Variants in CALCOCO2 observed in about 807,000 individuals in gnomAD.
The protein encoded by CALCOCO2 is calcium binding and coiled-coil domain 2.
Under a neutral mutation model 62.5 loss-of-function variants are expected in CALCOCO2, and 42 were observed. The observed-to-expected ratio is 0.67, with a 90% CI of 0.53 to 0.87. CALCOCO2 has a LOEUF of 0.87. Ranked by LOEUF, CALCOCO2 falls within the 40% of genes least tolerant of loss-of-function variation. CALCOCO2 has a pLI of 0.00. For synonymous variants in CALCOCO2, 167 were observed against 173.0 expected (o/e 0.97, Z 0.27); for missense variants, 456 against 515.0 (o/e 0.89, Z 1.11).
At chr17:48,857,497 C>CTTTTTT (rs59318856) in intron 10 of CALCOCO2, among the ~76,000 whole-genome samples, 5,702 of 38,340 alleles carry the variant, frequency 0.15, 1,620 homozygotes, top group Non-Finnish European at 0.22. Flanking sequence ...GCACCCGGCC[C>CTTTTTT]TTTTTTTTTT....
chr17:48,857,063 A>G (rs2040226919), intron 10 of CALCOCO2, among the ~76,000 whole-genome samples: 1 of 151,788 alleles, frequency 6.6e-6, no homozygotes, highest in Non-Finnish European at 1.5e-5. Flanking sequence ...CGGCCTCCCA[A>G]AGTGCTGGGA....
chr17:48,845,395 G>C (rs866315034), intron 2 of CALCOCO2, among the ~76,000 whole-genome samples: 3,018 of 141,286 alleles, frequency 0.021, 74 homozygotes, highest in Admixed American at 0.034. Flanking sequence ...GTGTGTGTGT[G>C]TGTGTGTGTG....
intron 9 of CALCOCO2, among the ~76,000 whole-genome samples, chr17:48,854,833 G>A (rs117129726): frequency 0.031 from 4,772 of 152,152 alleles, 117 homozygotes; most frequent in Middle Eastern, 0.071. Flanking sequence ...TATGCTTCAG[G>A]AGCCTAGGAA....
rs2040076062 is a variant in CALCOCO2, at chr17:48,848,062, A to G, written c.181-2A>G. 6.3e-7 allele frequency: 1 copy of G among 1,576,920 alleles called. No individual in the cohort carries two copies. Among genetic ancestry groups the G allele is most frequent in the African/African-American group, 1.3e-5 (1 of 74,270 alleles). On this transcript the variant is annotated splice_acceptor_variant, in intron 2 of 12. Coordinates refer to ENST00000258947, the MANE Select transcript of CALCOCO2 (RefSeq NM_005831.5). LOFTEE classifies it high-confidence loss of function. ...CTAAATAAGAACTTCTTGTCATTGC[A>G]GGTGGGGTGGAAGACAACCCGTGAG...
At chr17:48,834,614 C>T (rs1180472694) in intron 1 of CALCOCO2, among the ~76,000 whole-genome samples, 1 of 152,186 alleles carries the variant, frequency 6.6e-6, no homozygotes, top group Non-Finnish European at 1.5e-5. Context: ...GTTCTCTGGG[C>T]TTCTAAATTT....
intron 10 of CALCOCO2, among the ~76,000 whole-genome samples, chr17:48,857,504 T>TTTTTTTTTTTTTC (rs2040236752): frequency 8.1e-6 from 1 of 122,986 alleles, no homozygotes; most frequent in African/African-American, 2.9e-5. Context: ...GCCCTTTTTT[T>TTTTTTTTTTTTTC]TTTTTTTTTT....
At chr17:48,838,677 G>A (rs1598025051) in intron 1 of CALCOCO2, among the ~76,000 whole-genome samples, 2 of 152,066 alleles carry the variant, frequency 1.3e-5, no homozygotes, top group East Asian at 3.9e-4. Flanking sequence ...TCGCGCCACT[G>A]CACTCCAGCC....
Position 48,841,701 on chromosome 17 carries a change from C to T in CALCOCO2, c.-7C>T, listed in dbSNP as rs1430755300. ...TCTGTTCCACATTTCATAACAGGAC[C>T]CCTACCATGGAGGAGACCATCAAAG... On this transcript the variant is annotated 5_prime_UTR_variant, in exon 2 of 13. Coordinates refer to ENST00000258947, the MANE Select transcript of CALCOCO2 (RefSeq NM_005831.5). 2 of 1,604,166 alleles carry T rather than the reference C, an allele frequency of 1.2e-6. No individual in the cohort carries two copies. The highest frequency in any genetic ancestry group is 1.7e-6 in the Non-Finnish European group (2 of 1,173,686).
intron 8 of CALCOCO2, 70 bp downstream of exon 8, chr17:48,852,698 A>T: frequency 6.8e-7 from 1 of 1,465,400 alleles, no homozygotes; most frequent in Non-Finnish European, 9.4e-7. Context: ...TTGTATAAAG[A>T]ACATTTTAAT....
intron 10 of CALCOCO2, among the ~76,000 whole-genome samples, chr17:48,858,668 C>G (rs555370492): frequency 5.1e-4 from 77 of 151,860 alleles, no homozygotes; most frequent in African/African-American, 1.8e-3. Flanking sequence ...AGTTTGAAAT[C>G]CCTGTTTTCC....
At chr17:48,851,399 T>C in intron 6 of CALCOCO2, 160 bp from the exon 7 acceptor site, 2 of 628,808 alleles carry the variant, frequency 3.2e-6, no homozygotes, top group South Asian at 3.9e-5. Flanking sequence ...TACTTGCAGT[T>C]TTTTGGAGTC....
At chr17:48,850,327 T>C (rs1372845895) in intron 5 of CALCOCO2, among the ~76,000 whole-genome samples, 1 of 141,184 alleles carries the variant, frequency 7.1e-6, no homozygotes, top group African/African-American at 2.7e-5. Flanking sequence ...CATGGTGGCA[T>C]GCGCCTGTAA....
intron 9 of CALCOCO2, among the ~76,000 whole-genome samples, chr17:48,854,382 T>TTTTATATATATATA (rs1567757283): frequency 6.7e-4 from 4 of 5,998 alleles, no homozygotes; most frequent in Non-Finnish European, 1.2e-3. Flanking sequence ...TTTCTTTTAT[T>TTTTATATATATATA]TATATATATA....
intron 1 of CALCOCO2, among the ~76,000 whole-genome samples, chr17:48,834,195 T>C (rs2039858872): frequency 6.6e-6 from 1 of 150,842 alleles, no homozygotes; most frequent in African/African-American, 2.4e-5. Flanking sequence ...AGGATCTATG[T>C]CCTCATGGAA....
At chr17:48,851,790 C>A in intron 7 of CALCOCO2, 162 bp downstream of exon 7, 1 of 586,982 alleles carries the variant, frequency 1.7e-6, no homozygotes, top group Non-Finnish European at 3.1e-6. Context: ...ATTCTTGGAC[C>A]AGGTAAGCCT....
rs763553425 is a variant in CALCOCO2, at chr17:48,840,203, C to T, written c.-10-1495C>T. 4.7e-4 allele frequency among the ~76,000 whole-genome samples: 72 copies of T among 152,020 alleles called. 1 individual carries two copies. The highest frequency in any genetic ancestry group is 4.4e-3 in the Admixed American group (67 of 15,266). ...GGGGTGCAGTGGCACAATCTTGGCT[C>T]GCTGCAGCCTAGACCTCCCAGGCTC... On this transcript the variant is annotated intron_variant, in intron 1 of 12. Transcript: ENST00000258947.
intron 1 of CALCOCO2, among the ~76,000 whole-genome samples, chr17:48,839,763 G>A (rs1178433475): frequency 7.6e-6 from 1 of 131,074 alleles, no homozygotes; most frequent in South Asian, 2.6e-4. Flanking sequence ...TGAGACCTCC[G>A]CTCCCAGGTT....
chr17:48,843,339 T>C (rs1419181141), intron 2 of CALCOCO2, among the ~76,000 whole-genome samples: 1 of 152,168 alleles, frequency 6.6e-6, no homozygotes, highest in Non-Finnish European at 1.5e-5. Flanking sequence ...GAAATAAAGG[T>C]CAAATTTAAT....
At position 48,858,330 on chromosome 17, in the gene CALCOCO2, TTTTG is replaced by T. The variant is rs146801337; in HGVS notation, c.1009-1968_1009-1965del. Among the ~76,000 whole-genome samples the T allele has an allele frequency of 5.9e-3, 893 of 152,040 alleles. 5 individuals are homozygous for T. Among genetic ancestry groups the T allele is most frequent in the African/African-American group, 0.021 (851 of 41,466 alleles). On this transcript the variant is annotated intron_variant, in intron 10 of 12. Transcript: ENST00000258947. Reference sequence around the variant, plus strand: ...TCTTTTTTGTTTTGTTTTGCTTTTGTTTTGTTTGTTTGTTTGTTTTTTAGAGTCT... The same window carrying T: ...TCTTTTTTGTTTTGTTTTGCTTTTGTTTTGTTTGTTTGTTTTTTAGAGTCT...
Sources: allele counts gnomAD v4.1 joint callset (sites outside exome capture counted in the v4.1 genomes callset), GRCh38; gene constraint gnomAD v4.1.1; transcripts MANE v1.5; gene names NCBI Gene and HGNC (gene_info 2026-07-23, HGNC 2026-07-21).